The following ASB15 variants were observed in gnomAD, a reference collection of about 807,000 sequenced individuals.
ASB15 encodes ankyrin repeat and SOCS box containing 15, also known as ankyrin repeat and SOCS box protein 15.
Under a neutral mutation model 58.0 loss-of-function variants are expected in ASB15, and 54 were observed. The observed-to-expected ratio is 0.93, with a 90% confidence interval of 0.75 to 1.17. ASB15 has a LOEUF of 1.17. ASB15 is among the 50% of genes most tolerant of loss of function. ASB15 has a pLI of 0.00. For synonymous variants in ASB15, 249 were observed against 262.4 expected (o/e 0.95, Z 0.50); for missense variants, 680 against 707.4 (o/e 0.96, Z 0.44).
In ASB15 at chr7:123,576,339, T is replaced by TTTG. The variant is rs200747123; in HGVS notation, c.-443+9263_-443+9265dup. Among the ~76,000 whole-genome samples the TTTG allele has an allele frequency of 7.0e-3, 1,062 of 152,164 alleles. 13 individuals carry two copies. Among genetic ancestry groups the TTTG allele is most frequent in the African/African-American group, 0.025 (1,019 of 41,554 alleles). On this transcript the variant is annotated intron_variant, in intron 1 of 13. Coordinates refer to the ASB15 transcript ENST00000451558. ...CTTTTTTATATATGAAGTTGTGTTT[T>TTTG]TTGTTGTTGTTGTTTTAATTAATGG...
chr7:123,610,730 T>C (rs1364985609), intron 3 of ASB15, among the ~76,000 whole-genome samples: 1 of 152,206 alleles, frequency 6.6e-6, no homozygotes, highest in Non-Finnish European at 1.5e-5. Flanking sequence ...AGAGGCTGAT[T>C]GTACAATATG....
chr7:123,622,326 CA>C (rs1167988598), intron 7 of ASB15, among the ~76,000 whole-genome samples: 1 of 151,870 alleles, frequency 6.6e-6, no homozygotes, highest in African/African-American at 2.4e-5. Flanking sequence ...TAAAACAAGA[CA>C]TTTTTAAATT....
intron 1 of ASB15, among the ~76,000 whole-genome samples, chr7:123,593,673 G>T (rs1799611523): frequency 6.6e-6 from 1 of 152,046 alleles, no homozygotes; most frequent in South Asian, 2.1e-4. Context: ...GCTTCTCTTT[G>T]TGGGTAACCT....
At chr7:123,602,312 C>T (rs1242238391) in intron 1 of ASB15, among the ~76,000 whole-genome samples, 1 of 151,992 alleles carries the variant, frequency 6.6e-6, no homozygotes, top group Non-Finnish European at 1.5e-5. Flanking sequence ...GCTTTTTCAT[C>T]ACTTGTTGAA....
intron 1 of ASB15, among the ~76,000 whole-genome samples, chr7:123,589,688 T>C (rs1799479382): frequency 6.6e-6 from 1 of 152,158 alleles, no homozygotes; most frequent in South Asian, 2.1e-4. Flanking sequence ...GCATGGTGTA[T>C]ATGTGCCACA....
intron 1 of ASB15, among the ~76,000 whole-genome samples, chr7:123,568,213 C>G (rs545313427): frequency 6.6e-6 from 1 of 152,262 alleles, no homozygotes; most frequent in South Asian, 2.1e-4. Context: ...ATAGTTGTCT[C>G]TATTGAAAAT....
At chr7:123,589,593 A>AT (rs1397399094) in intron 1 of ASB15, among the ~76,000 whole-genome samples, 1 of 151,906 alleles carries the variant, frequency 6.6e-6, no homozygotes, top group African/African-American at 2.4e-5. Flanking sequence ...TCCTTGTGAT[A>AT]TTTTGCTGAG....
Position 123,586,687 on chromosome 7 carries a change from C to T in ASB15, c.-442-17345C>T, listed in dbSNP as rs1320257506. Among the ~76,000 whole-genome samples, 3 of 151,584 alleles carry T rather than the reference C, an allele frequency of 2.0e-5. No homozygotes were observed. In the East Asian group the frequency reaches 5.8e-4, roughly 29 times the overall value. On this transcript the variant is annotated intron_variant, in intron 1 of 13. Transcript: ENST00000451558. ...CCCCATTTTTCTTCTAGTAGTTTTA[C>T]AGTTTCAAGTCTTAAATTTGTCTTT... is the stretch of plus-strand genomic sequence containing the variant.
chr7:123,606,368 G>A (rs558405412), intron 2 of ASB15, among the ~76,000 whole-genome samples: 5 of 152,082 alleles, frequency 3.3e-5, no homozygotes, highest in African/African-American at 1.2e-4. Context: ...GGTCACCAAG[G>A]TTCCTGGCCT....
chr7:123,614,863 T>C (rs1800697650), intron 4 of ASB15, among the ~76,000 whole-genome samples: 1 of 152,184 alleles, frequency 6.6e-6, no homozygotes, highest in Non-Finnish European at 1.5e-5. Flanking sequence ...TTGTATAGAA[T>C]TGCCTATTTT....
chr7:123,567,516 T>G (rs986216839), intron 1 of ASB15, among the ~76,000 whole-genome samples: 2 of 152,168 alleles, frequency 1.3e-5, no homozygotes, highest in African/African-American at 2.4e-5. Context: ...CTACGCTGCT[T>G]CTCAGTGATG....
intron 1 of ASB15, among the ~76,000 whole-genome samples, chr7:123,574,804 C>T (rs1427213259): frequency 6.6e-6 from 1 of 152,076 alleles, no homozygotes; most frequent in East Asian, 1.9e-4. Context: ...TAACAGGCAG[C>T]TTACACATCT....
chr7:123,605,000 C>A (rs549816449), intron 2 of ASB15, among the ~76,000 whole-genome samples: 1 of 152,006 alleles, frequency 6.6e-6, no homozygotes, highest in South Asian at 2.1e-4. Context: ...CTGCCTCCAA[C>A]AGAAAGAAAT....
intron 3 of ASB15, chr7:123,608,966 G>A (rs1340348958): frequency 1.7e-5 from 2 of 117,914 alleles, no homozygotes; most frequent in Non-Finnish European, 3.5e-5. Flanking sequence ...TTTTTTTACC[G>A]TACCAAAAAA....
chr7:123,577,001 A>C (rs1799085120), intron 1 of ASB15, among the ~76,000 whole-genome samples: 1 of 152,206 alleles, frequency 6.6e-6, no homozygotes. Flanking sequence ...TCAAACAAGA[A>C]GACTTCCTGT....
At chr7:123,593,055 G>T (rs1481626105) in intron 1 of ASB15, among the ~76,000 whole-genome samples, 2 of 151,728 alleles carry the variant, frequency 1.3e-5, no homozygotes, top group East Asian at 1.9e-4. Context: ...GATCTTTGTT[G>T]GTTTAAAGTT....
At position 123,614,384 on chromosome 7, in the gene ASB15, C is replaced by T. The variant is rs1386324415; in HGVS notation, c.-2-117C>T. The T allele has an allele frequency of 7.7e-6, 5 of 649,016 alleles. No individual in the cohort carries two copies. The East Asian group carries it at 1.1e-4, about 14-fold the overall frequency. 40.2% of individuals were successfully genotyped at this position (649,016 alleles called of 1,614,324 possible). A position where few individuals can be genotyped will look rare whatever the true frequency, so the allele number is the denominator to read the frequency against. ...TGTTACCCACATTTGTATTTGTTAACTAGGGAAAGGAAAATGCATTTTAGT... is the reference window on the plus strand; with the variant it reads ...TGTTACCCACATTTGTATTTGTTAATTAGGGAAAGGAAAATGCATTTTAGT... On this transcript the variant is annotated intron_variant, in intron 3 of 11. Coordinates refer to ENST00000451215, the MANE Select transcript of ASB15 (RefSeq NM_001290258.2).
At chr7:123,597,952 G>GTGTGTT (rs1554387424), upstream of ASB15, among the ~76,000 whole-genome samples, 5 of 151,808 alleles carry the variant, frequency 3.3e-5, no homozygotes, top group South Asian at 2.1e-4. Context: ...GTGTGTGTGT[G>GTGTGTT]TGTGTGTGTC....
rs1400976797 is a variant in ASB15, at chr7:123,629,294, C to G, written c.1300C>G (p.Leu434Val). The G allele has an allele frequency of 6.2e-7, 1 of 1,614,092 alleles. No individual in the cohort carries two copies. Residue 434 changes from leucine to valine, a missense_variant, in exon 10 of 12, where the codon CTA becomes GTA. By Grantham distance (32) the Leu-to-Val change is conservative (BLOSUM62 1). Transcript: ENST00000451215. ...TCTAAACGACGAGGTAATGCTGAGGCTATTGCTGAATAATGGCTATCAAGT... is the reference window on the plus strand; with the variant it reads ...TCTAAACGACGAGGTAATGCTGAGGGTATTGCTGAATAATGGCTATCAAGT... Reference protein sequence around the residue: ...YALNDEVMLRLLLNNGYQVEM... With the variant: ...YALNDEVMLRVLLNNGYQVEM...
Sources: gnomAD v4.1 joint callset for allele counts (sites outside exome capture counted in the v4.1 genomes callset) on GRCh38, gnomAD v4.1.1 for gene constraint, MANE v1.5 for transcripts, NCBI Gene and HGNC (gene_info 2026-07-23, HGNC 2026-07-21) for gene names.